The following ELL variants were observed in gnomAD, a reference collection of about 807,000 sequenced individuals.
ELL encodes RNA polymerase II elongation factor ELL.
Under a neutral mutation model 64.0 loss-of-function variants are expected in ELL, and 18 were observed. The ratio of observed to expected loss-of-function variants is 0.28; its 90% CI spans 0.19 to 0.42. The LOEUF is 0.42. ELL is among the 10% of genes least tolerant of loss of function. The pLI is 1.00. For missense variants in ELL, 797 were observed against 870.4 expected (o/e 0.92, Z 1.06); for synonymous variants, 399 against 376.2 (o/e 1.06, Z -0.70).
At chr19:18,521,608 G>T (rs1217335013) in intron 1 of ELL, among the ~76,000 whole-genome samples, 1 of 151,836 alleles carries the variant, frequency 6.6e-6, no homozygotes, top group African/African-American at 2.4e-5. Flanking sequence ...CCCTGCCCAG[G>T]TGCCCAGCAG....
intron 1 of ELL, among the ~76,000 whole-genome samples, chr19:18,494,400 G>T (rs1339131648): frequency 2.1e-5 from 3 of 146,128 alleles, no homozygotes; most frequent in African/African-American, 2.5e-5. Flanking sequence ...TTGTTTTTTT[G>T]TTTTTTTTTT....
intron 1 of ELL, among the ~76,000 whole-genome samples, chr19:18,493,019 T>A (rs1331153400): frequency 3.3e-5 from 5 of 151,992 alleles, no homozygotes; most frequent in Non-Finnish European, 1.5e-5. Flanking sequence ...AACCATGACC[T>A]TGTCACCTGC....
In ELL at chr19:18,446,303, C is replaced by T. The variant is rs1974412843; in HGVS notation, c.1704+6G>A. The T allele has an allele frequency of 1.9e-6, 3 of 1,569,136 alleles. No homozygotes were observed. Among genetic ancestry groups the T allele is most frequent in the Non-Finnish European group, 2.6e-6 (3 of 1,160,926 alleles). On this transcript the variant is annotated splice_donor_region_variant and intron_variant, in intron 10 of 11. Transcript: ENST00000262809. ...CAGGGCACAGTAGGCAGCGGGGGGGCTCTACCTCATACTCCTCGGAGCCCT... is the reference window on the plus strand; with the variant it reads ...CAGGGCACAGTAGGCAGCGGGGGGGTTCTACCTCATACTCCTCGGAGCCCT...
At chr19:18,499,977 C>T (rs562243940) in intron 1 of ELL, among the ~76,000 whole-genome samples, 51 of 152,278 alleles carry the variant, frequency 3.3e-4, no homozygotes, top group African/African-American at 1.1e-3. Context: ...AAGCAAAACA[C>T]GAGGCCAGGT....
At chr19:18,446,230 G>A (rs981417005) in intron 10 of ELL, 79 bp downstream of exon 10, 17 of 1,432,698 alleles carry the variant, frequency 1.2e-5, no homozygotes, top group Admixed American at 8.2e-5. Context: ...CACCAAGCTC[G>A]TGGTGGCGAT....
rs772366811 is a variant in ELL at position 18,446,295 on chromosome 19, CG to C, written c.1704+13del. Reference sequence around the variant, plus strand: ...GCCAGAGCCAGGGCACAGTAGGCAGCGGGGGGGCTCTACCTCATACTCCTCG... The same window carrying C: ...GCCAGAGCCAGGGCACAGTAGGCAGCGGGGGGCTCTACCTCATACTCCTCG... On this transcript the variant is annotated intron_variant, in intron 10 of 11. Coordinates refer to ENST00000262809, the MANE Select transcript of ELL (RefSeq NM_006532.4). 16 of 1,555,156 alleles carry C rather than the reference CG, an allele frequency of 1.0e-5. No individual in the cohort carries two copies. Among genetic ancestry groups the C allele is most frequent in the Admixed American group, 5.8e-5 (3 of 51,456 alleles).
At chr19:18,478,606 G>C (rs1975227309) in intron 1 of ELL, among the ~76,000 whole-genome samples, 1 of 152,250 alleles carries the variant, frequency 6.6e-6, no homozygotes, top group Admixed American at 6.5e-5. Context: ...CAGGGCCCCA[G>C]GTGGGAGCTG....
At chr19:18,484,191 T>C (rs1975364203) in intron 1 of ELL, among the ~76,000 whole-genome samples, 1 of 152,214 alleles carries the variant, frequency 6.6e-6, no homozygotes, top group Non-Finnish European at 1.5e-5. Flanking sequence ...CCAGACGCTG[T>C]GGTGGCTCAC....
At chr19:18,447,684 A>G (rs1239944389) in intron 8 of ELL, among the ~76,000 whole-genome samples, 1 of 152,260 alleles carries the variant, frequency 6.6e-6, no homozygotes, top group Admixed American at 6.5e-5. Context: ...GCGTCGCCTA[A>G]GACCACAACT....
At chr19:18,518,747 C>T (rs1432536481) in intron 1 of ELL, among the ~76,000 whole-genome samples, 1 of 151,498 alleles carries the variant, frequency 6.6e-6, no homozygotes, top group Non-Finnish European at 1.5e-5. Context: ...GCTGAGATCA[C>T]GCCAGCGCAA....
At chr19:18,464,014 A>C (rs980154094) in intron 4 of ELL, among the ~76,000 whole-genome samples, 1 of 151,396 alleles carries the variant, frequency 6.6e-6, no homozygotes, top group Non-Finnish European at 1.5e-5. Context: ...CTGTACCCAA[A>C]GTGGTGTGCT....
intron 4 of ELL, among the ~76,000 whole-genome samples, chr19:18,463,145 A>G (rs1974862157): frequency 6.6e-6 from 1 of 152,050 alleles, no homozygotes; most frequent in South Asian, 2.1e-4. Flanking sequence ...TGATCTGTCA[A>G]ATTAACCCAG....
chr19:18,464,059 AC>A, intron 4 of ELL, among the ~76,000 whole-genome samples: 1 of 151,888 alleles, frequency 6.6e-6, no homozygotes. Context: ...TGGCTGAAGG[AC>A]CCACAGATTT....
At chr19:18,446,591 A>AAT in intron 9 of ELL, 111 bp from the exon 10 acceptor site, 1 of 1,501,896 alleles carries the variant, frequency 6.7e-7, no homozygotes, top group Non-Finnish European at 9.0e-7. Context: ...GATTCCCTGG[A>AAT]TTATGAGGGG....
In ELL at chr19:18,467,878, CA is replaced by C. The variant is rs1348696227; in HGVS notation, c.184-1961del. On this transcript the variant is annotated intron_variant, in intron 2 of 11. Coordinates refer to ENST00000262809, the MANE Select transcript of ELL (RefSeq NM_006532.4). ...CCCCCCACAACCACACAATCCCCCC[CA>C]CACACAAACACAACCCCTCCATACA... Among the ~76,000 whole-genome samples the C allele has an allele frequency of 3.0e-4, 33 of 110,298 alleles. 1 individual carries two copies. Among genetic ancestry groups the C allele is most frequent in the African/African-American group, 9.6e-4 (24 of 25,116 alleles). 72.4% of individuals were successfully genotyped at this position (110,298 alleles called of 152,430 possible). A position where few individuals can be genotyped will look rare whatever the true frequency, so the allele number is the denominator to read the frequency against.
intron 1 of ELL, among the ~76,000 whole-genome samples, chr19:18,509,311 T>C (rs1169370903): frequency 6.6e-6 from 1 of 152,122 alleles, no homozygotes; most frequent in Non-Finnish European, 1.5e-5. Flanking sequence ...AAGCTCATTG[T>C]ACCCCGAAAA....
chr19:18,451,621 G>T lies in ELL; in HGVS notation c.897C>A (p.Gly299=). 1.3e-6 allele frequency: 2 copies of T among 1,506,360 alleles called. No individual in the cohort carries two copies. The highest frequency in any genetic ancestry group is 5.3e-5 in the East Asian group (2 of 37,522). The allele number at this position is 1,506,360 out of a possible 1,614,324, so 93.3% of individuals were successfully genotyped here. ...AGGCAGCAGGGTCTCCAAGGAGGCT[G>T]CCAGTGCTCTGTGGCTGGCACAGCT... ...VRKLCQPQST[G]SLLGDPAASS... Residue 299 remains glycine, a synonymous_variant, in exon 7 of 12, where the codon GGC becomes GGA. Transcript: ENST00000262809.
In ELL at chr19:18,454,372, G is replaced by A. The variant is rs538580787; in HGVS notation, c.870-2724C>T. 6.8e-4 allele frequency among the ~76,000 whole-genome samples: 103 copies of A among 152,224 alleles called. No individual in the cohort carries two copies. In the South Asian group the frequency reaches 0.016, roughly 23 times the overall value. ...AAATTAGCCGGGCATGGTGGCGGGC[G>A]CCTGTAGTCCCAGCTACTCGCGAGG... On this transcript the variant is annotated intron_variant, in intron 6 of 11. Transcript: ENST00000262809.
intron 1 of ELL, among the ~76,000 whole-genome samples, chr19:18,512,508 G>A (rs1976046344): frequency 6.7e-6 from 1 of 149,022 alleles, no homozygotes; most frequent in Admixed American, 6.7e-5. Context: ...GCGTGATGAT[G>A]GGTGTCTGTA....
Sources: allele counts gnomAD v4.1 joint callset (sites outside exome capture counted in the v4.1 genomes callset), GRCh38; gene constraint gnomAD v4.1.1; transcripts MANE v1.5; gene names NCBI Gene and HGNC (gene_info 2026-07-23, HGNC 2026-07-21).